The following SLC4A10 variants were observed in gnomAD, a reference collection of about 807,000 sequenced individuals.
The protein encoded by SLC4A10 is solute carrier family 4 member 10.
SLC4A10 carries 42 observed loss-of-function variants against 137.7 expected under a neutral mutation model. The ratio of observed to expected loss-of-function variants is 0.30; its 90% CI spans 0.24 to 0.39. The LOEUF is 0.39. Among genes scored for constraint, SLC4A10 ranks in the 10% least tolerant of loss-of-function variants. The pLI, the probability that SLC4A10 is intolerant of heterozygous loss-of-function variation, is 1.00. For missense variants in SLC4A10, 925 were observed against 1,355.0 expected (o/e 0.68, Z 4.98); for synonymous variants, 474 against 464.1 (o/e 1.02, Z -0.27).
At chr2:161,825,358 C>G (rs1414899848) in intron 3 of SLC4A10, among the ~76,000 whole-genome samples, 1 of 152,110 alleles carries the variant, frequency 6.6e-6, no homozygotes, top group Non-Finnish European at 1.5e-5. Flanking sequence ...CAGGAAAGTT[C>G]TTACTTCACT....
At chr2:161,828,509 T>C (rs1427189564) in intron 3 of SLC4A10, among the ~76,000 whole-genome samples, 1 of 149,004 alleles carries the variant, frequency 6.7e-6, no homozygotes, top group African/African-American at 2.4e-5. Context: ...ATTTTAAATA[T>C]GTAGTATAAT....
chr2:161,690,369 T>C (rs2041857573), intron 1 of SLC4A10, among the ~76,000 whole-genome samples: 1 of 152,154 alleles, frequency 6.6e-6, no homozygotes, highest in Admixed American at 6.5e-5. Flanking sequence ...GTTTAACCAT[T>C]GTGGAAGACA....
chr2:161,645,671 A>G, intron 1 of SLC4A10, among the ~76,000 whole-genome samples: 1 of 152,044 alleles, frequency 6.6e-6, no homozygotes, highest in East Asian at 1.9e-4. Context: ...GGATTTTGTT[A>G]TATTTTCAAT....
chr2:161,833,855 TAAAA>T (rs1208941777), intron 3 of SLC4A10, among the ~76,000 whole-genome samples: 1 of 152,114 alleles, frequency 6.6e-6, no homozygotes, highest in Non-Finnish European at 1.5e-5. Context: ...CTTCAAAAAT[TAAAA>T]AAAGTTTCCA....
chr2:161,874,207 C>G (rs1213120778), intron 8 of SLC4A10, among the ~76,000 whole-genome samples: 1 of 152,144 alleles, frequency 6.6e-6, no homozygotes, highest in Non-Finnish European at 1.5e-5. Flanking sequence ...TTCTGATATT[C>G]TTAATTTGAA....
At chr2:161,633,381 C>G (rs2033902880) in intron 1 of SLC4A10, among the ~76,000 whole-genome samples, 2 of 151,692 alleles carry the variant, frequency 1.3e-5, no homozygotes. Flanking sequence ...TTAAATATAT[C>G]ATGGGTAATA....
At position 161,828,799 on chromosome 2, in the gene SLC4A10, TA is replaced by T. The variant is rs1559342956; in HGVS notation, c.278-10989del. Among the ~76,000 whole-genome samples, 909 of 126,592 alleles carry T rather than the reference TA, an allele frequency of 7.2e-3. 22 individuals are homozygous for T. Among genetic ancestry groups the T allele is most frequent in the African/African-American group, 0.026 (869 of 33,944 alleles). The allele number at this position is 126,592 out of a possible 152,430, so 83.0% of individuals were successfully genotyped here. ...ATATATATATATATATATATATATA[TA>T]TATATATATGTATAATCTACATCTG... On this transcript the variant is annotated intron_variant, in intron 3 of 26. Transcript: ENST00000446997.
chr2:161,904,940 C>G (rs1344224748), intron 14 of SLC4A10, 31 bp downstream of exon 14: 2 of 1,609,728 alleles, frequency 1.2e-6, no homozygotes, highest in African/African-American at 1.3e-5. Flanking sequence ...GGCCCTTAGC[C>G]TCTTCCTTTT....
chr2:161,779,485 C>G (rs1042731007), intron 2 of SLC4A10, among the ~76,000 whole-genome samples: 9 of 151,940 alleles, frequency 5.9e-5, no homozygotes, highest in African/African-American at 2.2e-4. Context: ...CTCATTTCAC[C>G]CAGTGCATTC....
intron 1 of SLC4A10, among the ~76,000 whole-genome samples, chr2:161,742,555 C>T (rs567046332): frequency 1.3e-5 from 2 of 151,482 alleles, no homozygotes; most frequent in East Asian, 3.9e-4. Flanking sequence ...ATTCTCCTGC[C>T]TCAGCCTCCT....
chr2:161,720,822 C>T (rs992203997), intron 1 of SLC4A10, among the ~76,000 whole-genome samples: 4 of 149,514 alleles, frequency 2.7e-5, no homozygotes, highest in African/African-American at 9.8e-5. Flanking sequence ...TGAGTCTTGA[C>T]TCTTTTTTTT....
At chr2:161,711,161 A>G (rs2044252297) in intron 1 of SLC4A10, among the ~76,000 whole-genome samples, 1 of 151,834 alleles carries the variant, frequency 6.6e-6, no homozygotes, top group Non-Finnish European at 1.5e-5. Flanking sequence ...ACTGTGAATC[A>G]GTAAAATAGC....
chr2:161,700,591 T>G (rs2043022479), intron 1 of SLC4A10, among the ~76,000 whole-genome samples: 1 of 152,172 alleles, frequency 6.6e-6, no homozygotes, highest in Non-Finnish European at 1.5e-5. Context: ...CTAAACTATG[T>G]TGATTGCCTT....
intron 1 of SLC4A10, among the ~76,000 whole-genome samples, chr2:161,765,524 T>C (rs536467234): frequency 6.6e-6 from 1 of 151,034 alleles, no homozygotes; most frequent in African/African-American, 2.4e-5. Flanking sequence ...GGAGAATTGG[T>C]TGAACCCAGG....
intron 10 of SLC4A10, among the ~76,000 whole-genome samples, chr2:161,893,633 A>G (rs1055420211): frequency 1.3e-5 from 2 of 152,012 alleles, no homozygotes; most frequent in Non-Finnish European, 2.9e-5. Flanking sequence ...CTAGGAGTTC[A>G]AGGCTGCAGT....
intron 1 of SLC4A10, among the ~76,000 whole-genome samples, chr2:161,687,629 T>C (rs142077667): frequency 3.4e-3 from 516 of 152,310 alleles, no homozygotes; most frequent in African/African-American, 0.011. Flanking sequence ...GCAATATTGA[T>C]ATCGTTTGGC....
At chr2:161,632,737 G>A (rs2033786413) in intron 1 of SLC4A10, among the ~76,000 whole-genome samples, 1 of 151,058 alleles carries the variant, frequency 6.6e-6, no homozygotes, top group Admixed American at 6.6e-5. Context: ...AATATTAAAG[G>A]GTAGCACTAA....
At chr2:161,669,315 G>C (rs534704658) in intron 1 of SLC4A10, among the ~76,000 whole-genome samples, 2 of 151,842 alleles carry the variant, frequency 1.3e-5, no homozygotes, top group Admixed American at 1.3e-4. Flanking sequence ...ATATATCCAA[G>C]TAAAAAGTCA....
chr2:161,673,725 T>C (rs1473956), intron 1 of SLC4A10, among the ~76,000 whole-genome samples: 139,618 of 152,274 alleles, frequency 0.92, 64,090 homozygotes, highest in East Asian at 1. Flanking sequence ...CACAGTGGCT[T>C]TCACTTGTAG....
Sources: allele counts gnomAD v4.1 joint callset (sites outside exome capture counted in the v4.1 genomes callset), GRCh38; gene constraint gnomAD v4.1.1; transcripts MANE v1.5; gene names NCBI Gene and HGNC (gene_info 2026-07-23, HGNC 2026-07-21).